ZNF503: variants seen among roughly 807,000 people sequenced by gnomAD.
ZNF503 encodes NocA-like zinc finger 2.
ZNF503 carries 15 observed loss-of-function variants against 34.4 expected under a neutral mutation model. The ratio of observed to expected loss-of-function variants is 0.44; its 90% CI spans 0.29 to 0.67. The LOEUF is 0.67. ZNF503 is among the 30% of genes least tolerant of loss of function. ZNF503 has a pLI of 0.13. For missense variants in ZNF503, 1,007 were observed against 926.8 expected, an observed-to-expected ratio of 1.09 and a Z score of -1.12; for synonymous variants, 580 against 456.8, an observed-to-expected ratio of 1.27 and a Z score of -3.44.
At chr10:75,284,164 G>T in the ZNF503 span, 1 of 152,162 alleles carries the variant, frequency 6.6e-6, no homozygotes. Context: ...AGGGGAGGGA[G>T]AAGAAGGGAG....
the ZNF503 span, among the ~76,000 whole-genome samples, chr10:75,389,185 C>A: frequency 2.6e-5 from 4 of 152,058 alleles, no homozygotes; most frequent in Non-Finnish European, 5.9e-5. Context: ...GAGAGTCAGC[C>A]GAGAATTCTG....
At chr10:75,348,529 T>TTTTG in the ZNF503 span, among the ~76,000 whole-genome samples, 2 of 137,178 alleles carry the variant, frequency 1.5e-5, no homozygotes, top group South Asian at 2.3e-4. Flanking sequence ...TTTTTTTTTT[T>TTTTG]GAGACAGAGT....
chr10:75,345,287 A>G, the ZNF503 span, among the ~76,000 whole-genome samples: 1 of 152,248 alleles, frequency 6.6e-6, no homozygotes, highest in Admixed American at 6.5e-5. Flanking sequence ...TTGGGGTATA[A>G]GGTTACTAGA....
In ZNF503 at chr10:75,398,888, C is replaced by T. The variant is rs1232052485; in HGVS notation, c.1802G>A (p.Arg601His). 1 of 1,537,406 alleles carries T rather than the reference C, an allele frequency of 6.5e-7. No individual in the cohort carries two copies. Among genetic ancestry groups the T allele is most frequent in the Non-Finnish European group, 8.7e-7 (1 of 1,145,520 alleles). ...SPHHALGLSS[R>H]YHPYSKSPLP... ...CGGGCTCTTGGAGTAGGGGTGGTAGCGGCTGCTGAGTCCCAGCGCGTGGTG... is the reference window on the plus strand; with the variant it reads ...CGGGCTCTTGGAGTAGGGGTGGTAGTGGCTGCTGAGTCCCAGCGCGTGGTG... Residue 601 changes from arginine (R) to histidine (H), a missense_variant, in exon 2 of 2, where the codon CGC becomes CAC. By Grantham distance (29) the Arg-to-His change is conservative (BLOSUM62 0). Coordinates refer to ENST00000372524, the MANE Select transcript of ZNF503 (RefSeq NM_032772.6).
chr10:75,354,978 A>G, the ZNF503 span, among the ~76,000 whole-genome samples: 4 of 152,138 alleles, frequency 2.6e-5, no homozygotes, highest in Non-Finnish European at 4.4e-5. Context: ...AGCTGGGACT[A>G]CAGGCATGTG....
At chr10:75,289,533 A>T in the ZNF503 span, among the ~76,000 whole-genome samples, 4 of 152,148 alleles carry the variant, frequency 2.6e-5, no homozygotes, top group African/African-American at 9.7e-5. Context: ...TCACTTTTTC[A>T]ATTGTTTTTA....
downstream of ZNF503, chr10:75,397,777 A>G (rs1564758681): frequency 6.6e-6 from 1 of 152,592 alleles, no homozygotes; most frequent in African/African-American, 2.4e-5. Flanking sequence ...CCCGGAACCC[A>G]CTGCGGCCGA....
At chr10:75,332,239 T>A in the ZNF503 span, among the ~76,000 whole-genome samples, 2 of 152,080 alleles carry the variant, frequency 1.3e-5, no homozygotes, top group Non-Finnish European at 2.9e-5. Context: ...TTTGCTCTAT[T>A]TTCTCTCACC....
chr10:75,335,716 C>T, the ZNF503 span, among the ~76,000 whole-genome samples: 1 of 152,308 alleles, frequency 6.6e-6, no homozygotes, highest in East Asian at 1.9e-4. Flanking sequence ...TCATGCAAGG[C>T]TCAGAAGCTG....
chr10:75,312,905 C>T, the ZNF503 span, among the ~76,000 whole-genome samples: 10 of 152,172 alleles, frequency 6.6e-5, no homozygotes, highest in Middle Eastern at 3.4e-3. Flanking sequence ...TGAGTTTCCC[C>T]ATACTGTTTT....
At chr10:75,364,827 C>A in the ZNF503 span, among the ~76,000 whole-genome samples, 1 of 152,196 alleles carries the variant, frequency 6.6e-6, no homozygotes, top group Non-Finnish European at 1.5e-5. Context: ...AAAAAAACAT[C>A]TTGTGTGGTA....
chr10:75,328,746 C>CT, the ZNF503 span, among the ~76,000 whole-genome samples: 41,406 of 130,486 alleles, frequency 0.32, 7,706 homozygotes, highest in African/African-American at 0.45. Context: ...AATGTCTTTT[C>CT]TTTTTTTTTT....
chr10:75,293,971 G>GTGGGCC, the ZNF503 span, among the ~76,000 whole-genome samples: 1 of 152,282 alleles, frequency 6.6e-6, no homozygotes, highest in Non-Finnish European at 1.5e-5. Context: ...ACAGTGGGGA[G>GTGGGCC]TGGGCCTGGC....
At chr10:75,314,265 C>T in the ZNF503 span, among the ~76,000 whole-genome samples, 2 of 146,444 alleles carry the variant, frequency 1.4e-5, no homozygotes, top group Admixed American at 1.4e-4. Context: ...AAAGAAAGCT[C>T]AGTGAGATGC....
the ZNF503 span, among the ~76,000 whole-genome samples, chr10:75,281,072 C>T: frequency 6.6e-6 from 1 of 152,102 alleles, no homozygotes; most frequent in East Asian, 1.9e-4. Context: ...ATTTATCATC[C>T]AGACTAGAAT....
At chr10:75,355,059 G>C in the ZNF503 span, among the ~76,000 whole-genome samples, 1 of 151,978 alleles carries the variant, frequency 6.6e-6, no homozygotes, top group East Asian at 1.9e-4. Flanking sequence ...TGGTCAGGTT[G>C]GTCTCAAACT....
At chr10:75,386,965 G>A in the ZNF503 span, among the ~76,000 whole-genome samples, 5 of 152,240 alleles carry the variant, frequency 3.3e-5, no homozygotes, top group African/African-American at 9.6e-5. Context: ...TGGACAGTAA[G>A]TTATTTGAGG....
At chr10:75,300,147 C>T in the ZNF503 span, among the ~76,000 whole-genome samples, 1 of 152,204 alleles carries the variant, frequency 6.6e-6, no homozygotes, top group Non-Finnish European at 1.5e-5. Flanking sequence ...CCCTCAGGGG[C>T]ACATTCTCTT....
the ZNF503 span, among the ~76,000 whole-genome samples, chr10:75,293,901 G>T: frequency 2.0e-5 from 3 of 152,214 alleles, no homozygotes; most frequent in East Asian, 5.8e-4. Flanking sequence ...AATTCTCATG[G>T]CTGCGACTAG....
Sources: gnomAD v4.1 joint callset for allele counts (sites outside exome capture counted in the v4.1 genomes callset) on GRCh38, gnomAD v4.1.1 for gene constraint, MANE v1.5 for transcripts, NCBI Gene and HGNC (gene_info 2026-07-23, HGNC 2026-07-21) for gene names.